DENND1A: variants seen among roughly 807,000 people sequenced by gnomAD.
DENND1A encodes the protein DENN domain containing 1A.
DENND1A carries 51 observed loss-of-function variants against 113.7 expected under a neutral mutation model. That is an observed-to-expected ratio of 0.45 (90% confidence interval 0.36 to 0.57). DENND1A has a LOEUF of 0.57. DENND1A is among the 20% of genes least tolerant of loss of function. The pLI is 0.00. For synonymous variants in DENND1A, 565 were observed against 570.8 expected, an observed-to-expected ratio of 0.99 and a Z score of 0.14; for missense variants, 1,258 against 1,395.9, an observed-to-expected ratio of 0.90 and a Z score of 1.57.
intron 21 of DENND1A, chr9:123,400,930 T>C (rs1255006354): frequency 6.6e-6 from 1 of 152,216 alleles, no homozygotes; most frequent in African/African-American, 2.4e-5. Context: ...ACTTCAAAGA[T>C]CCTGCATCCC....
chr9:123,744,768 CTCTTTTTTTT>C (rs2069335339), intron 5 of DENND1A, among the ~76,000 whole-genome samples: 1 of 137,950 alleles, frequency 7.2e-6, no homozygotes. Context: ...CTTATATTAG[CTCTTTTTTTT>C]TTTTTTTTTT....
Position 123,381,834 on chromosome 9 carries a change from G to T in DENND1A, c.2811C>A (p.Gly937=). 1 of 1,496,290 alleles carries T rather than the reference G, an allele frequency of 6.7e-7. No homozygotes were observed. The highest frequency in any genetic ancestry group is 8.9e-7 in the Non-Finnish European group (1 of 1,122,796). 92.7% of individuals were successfully genotyped at this position (1,496,290 alleles called of 1,614,324 possible). A position where few individuals can be genotyped will look rare whatever the true frequency, so the allele number is the denominator to read the frequency against. The change falls in exon 24 of 24, where the codon GGC becomes GGA. Residue 937 remains glycine, a synonymous_variant. Coordinates refer to ENST00000394215, the MANE Select transcript of DENND1A (RefSeq NM_001352964.2). This position sits in a 1 kb window ranked among gnomAD's most constrained non-coding sequence, Gnocchi z 4.7. Reference sequence around the variant, plus strand: ...GCTGAGACCTGTGAGGGGCACAGAAGCCAGCACTGGACAGCAGGAGGCCGG... The same window carrying T: ...GCTGAGACCTGTGAGGGGCACAGAATCCAGCACTGGACAGCAGGAGGCCGG... ...FASGLLLSSA[G]FCAPHRSQPN...
chr9:123,714,002 G>A (rs2066808554), intron 5 of DENND1A, among the ~76,000 whole-genome samples: 1 of 152,106 alleles, frequency 6.6e-6, no homozygotes, highest in African/African-American at 2.4e-5. Flanking sequence ...TCTAAAAATT[G>A]GAATTTACTT....
chr9:123,922,414 A>G (rs938356709), intron 1 of DENND1A, among the ~76,000 whole-genome samples: 1 of 152,236 alleles, frequency 6.6e-6, no homozygotes. Context: ...ATGCCTTACT[A>G]TACTAACACA....
intron 21 of DENND1A, chr9:123,400,048 C>T (rs2043348664): frequency 6.6e-6 from 1 of 152,246 alleles, no homozygotes; most frequent in Admixed American, 6.5e-5. Flanking sequence ...CACGGAAGCC[C>T]CTGGGCGTCA....
intron 3 of DENND1A, among the ~76,000 whole-genome samples, chr9:123,780,150 A>C (rs1334095593): frequency 6.6e-6 from 1 of 152,146 alleles, no homozygotes; most frequent in South Asian, 2.1e-4. Flanking sequence ...CACCATGCCC[A>C]GTCTTGCACA....
rs186509885 is a variant in DENND1A at position 123,871,042 on chromosome 9, C to A, written c.88+7909G>T. Among the ~76,000 whole-genome samples, 64 of 152,064 alleles carry A rather than the reference C, an allele frequency of 4.2e-4. No homozygotes were observed. In the East Asian group the frequency reaches 0.012, roughly 28 times the overall value. ...ATAAAATTTGACTCTCAAAAGAGCT[C>A]CCCCCGCCATACCACTTCTCAGGAG... On this transcript the variant is annotated intron_variant, in intron 2 of 23. Coordinates refer to ENST00000394215, the MANE Select transcript of DENND1A (RefSeq NM_001352964.2).
intron 3 of DENND1A, among the ~76,000 whole-genome samples, chr9:123,787,070 A>C (rs1164336264): frequency 6.6e-6 from 1 of 152,234 alleles, no homozygotes; most frequent in Non-Finnish European, 1.5e-5. Flanking sequence ...CCCATGGTTT[A>C]AACAAGCCAC....
At chr9:123,451,146 C>T (rs2047692372) in intron 17 of DENND1A, among the ~76,000 whole-genome samples, 1 of 152,198 alleles carries the variant, frequency 6.6e-6, no homozygotes, top group South Asian at 2.1e-4. Context: ...GACCAATTTT[C>T]TGCCCAGGCT....
intron 1 of DENND1A, among the ~76,000 whole-genome samples, chr9:123,890,528 G>A (rs1234666357): frequency 2.0e-5 from 3 of 152,190 alleles, no homozygotes; most frequent in Non-Finnish European, 4.4e-5. Context: ...TCTAAGAAGA[G>A]CAGATATTCT....
intron 4 of DENND1A, among the ~76,000 whole-genome samples, chr9:123,767,799 A>C (rs992913229): frequency 6.6e-6 from 1 of 152,204 alleles, no homozygotes; most frequent in Non-Finnish European, 1.5e-5. Flanking sequence ...AGCAGTTAAC[A>C]AAGTCAATTA....
intron 12 of DENND1A, among the ~76,000 whole-genome samples, chr9:123,557,971 G>T (rs550320884): frequency 6.7e-6 from 1 of 150,312 alleles, no homozygotes; most frequent in Non-Finnish European, 1.5e-5. Flanking sequence ...CAGCCTGGGC[G>T]ACAGAGAGAA....
intron 11 of DENND1A, among the ~76,000 whole-genome samples, chr9:123,608,338 T>C (rs2060262636): frequency 6.6e-6 from 1 of 152,098 alleles, no homozygotes; most frequent in African/African-American, 2.4e-5. Flanking sequence ...GTGGTCCTCG[T>C]CGACGTGAAA....
At chr9:123,672,581 T>C (rs1412258822) in intron 6 of DENND1A, among the ~76,000 whole-genome samples, 3 of 152,228 alleles carry the variant, frequency 2.0e-5, no homozygotes, top group African/African-American at 7.2e-5. Context: ...AATATCATTG[T>C]AACAGTATTA....
At chr9:123,467,904 G>A (rs898786546) in intron 13 of DENND1A, among the ~76,000 whole-genome samples, 5 of 152,112 alleles carry the variant, frequency 3.3e-5, no homozygotes, top group Non-Finnish European at 7.4e-5. Flanking sequence ...CAGAGGTTCT[G>A]GGCTGTCCAC....
Position 123,382,148 on chromosome 9 carries a change from G to A in DENND1A, c.2497C>T (p.Pro833Ser). ...TCACTGCTCGTGCCTGCAGCCCCGGGGCCAGGGCTGAGCGGCTGGAGCAGT... is the reference window on the plus strand; with the variant it reads ...TCACTGCTCGTGCCTGCAGCCCCGGAGCCAGGGCTGAGCGGCTGGAGCAGT... The part of the protein sequence containing the change: ...TELLQPLSPG[P>S]GAAGTSSDAL... The change falls in exon 24 of 24, where the codon CCC becomes TCC. Residue 833 changes from proline to serine, a missense_variant. By Grantham distance (74) the Pro-to-Ser change is moderately conservative (BLOSUM62 -1). Coordinates refer to ENST00000394215, the MANE Select transcript of DENND1A (RefSeq NM_001352964.2). The A allele has an allele frequency of 6.2e-7, 1 of 1,603,944 alleles. No homozygotes were observed.
At chr9:123,590,189 C>T (rs912580881) in intron 11 of DENND1A, among the ~76,000 whole-genome samples, 1 of 152,154 alleles carries the variant, frequency 6.6e-6, no homozygotes, top group Non-Finnish European at 1.5e-5. Context: ...GACCTGTGCT[C>T]CCCTAAGGTT....
intron 1 of DENND1A, among the ~76,000 whole-genome samples, chr9:123,923,853 C>CT (rs1206112730): frequency 1.3e-5 from 2 of 152,148 alleles, no homozygotes; most frequent in African/African-American, 2.4e-5. Context: ...AGTGGTACAG[C>CT]TGCTTTAGGA....
intron 11 of DENND1A, among the ~76,000 whole-genome samples, chr9:123,598,629 A>C (rs550057509): frequency 6.6e-6 from 1 of 152,272 alleles, no homozygotes; most frequent in Non-Finnish European, 1.5e-5. Flanking sequence ...CATATGCCAA[A>C]ATGTCCAAAT....
Sources: gnomAD v4.1 joint callset for allele counts (sites outside exome capture counted in the v4.1 genomes callset) on GRCh38, gnomAD v4.1.1 for gene constraint, Gnocchi (gnomAD v3.1) non-coding constraint, MANE v1.5 for transcripts, NCBI Gene and HGNC (gene_info 2026-07-23, HGNC 2026-07-21) for gene names.